Variants in PIK3R4 observed in about 807,000 individuals in gnomAD.
The protein encoded by PIK3R4 is phosphoinositide-3-kinase regulatory subunit 4.
A neutral mutation model predicts 136.5 loss-of-function variants in PIK3R4; 46 were observed. That is an observed-to-expected ratio of 0.34 (90% CI 0.27 to 0.43). The LOEUF is 0.43. Ranked by LOEUF, PIK3R4 falls within the 20% of genes least tolerant of loss-of-function variation. PIK3R4 has a pLI of 1.00. For missense variants in PIK3R4, 1,331 were observed against 1,649.5 expected (o/e 0.81, Z 3.35); for synonymous variants, 557 against 566.7 (o/e 0.98, Z 0.24).
At chr3:130,694,423 T>C (rs910830072) in intron 13 of PIK3R4, among the ~76,000 whole-genome samples, 1 of 152,120 alleles carries the variant, frequency 6.6e-6, no homozygotes, top group African/African-American at 2.4e-5. Flanking sequence ...GGTTTCTTTC[T>C]ATTCATTTGA....
At chr3:130,713,046 T>C (rs1421651560) in intron 9 of PIK3R4, among the ~76,000 whole-genome samples, 2 of 152,238 alleles carry the variant, frequency 1.3e-5, no homozygotes, top group Non-Finnish European at 2.9e-5. Flanking sequence ...TCCATTCCCT[T>C]ATCTATAAAA....
intron 6 of PIK3R4, chr3:130,723,817 G>GA: frequency 2.7e-6 from 1 of 373,992 alleles, no homozygotes; most frequent in Middle Eastern, 7.2e-4. Flanking sequence ...TTACAGAAAT[G>GA]AAAATATAGG....
intron 2 of PIK3R4, among the ~76,000 whole-genome samples, chr3:130,737,489 A>C (rs1339400994): frequency 1.3e-5 from 2 of 152,102 alleles, no homozygotes; most frequent in African/African-American, 2.4e-5. Flanking sequence ...GTGAAACCCT[A>C]TCTCTACTGA....
Position 130,716,546 on chromosome 3 carries a change from A to G in PIK3R4, c.2181T>C (p.Ser727=). The change falls in exon 9 of 20, where the codon TCT becomes TCC. Residue 727 remains serine (S), a synonymous_variant. Transcript: ENST00000356763. ...TAGACCTCAAAGCATAATCAAATATAGAACGACTTACTGGTTCCTTTAAAA... is the reference window on the plus strand; with the variant it reads ...TAGACCTCAAAGCATAATCAAATATGGAACGACTTACTGGTTCCTTTAAAA... ...LSVLKEPVSR[S]IFDYALRSKD... 6.2e-7 allele frequency: 1 copy of G among 1,614,034 alleles called. No individual in the cohort carries two copies. Among genetic ancestry groups the G allele is most frequent in the Non-Finnish European group, 8.5e-7 (1 of 1,179,874 alleles).
In PIK3R4 at chr3:130,708,392, T is replaced by G; in HGVS notation, c.2432A>C (p.His811Pro). Residue 811 changes from histidine (H) to proline (P), a missense_variant, in exon 10 of 20, where the codon CAT (histidine) becomes CCT (proline). Physicochemically the swap from His to Pro is moderately conservative, Grantham distance 77. Around this residue, in one of 2 missense-constraint regions of PIK3R4, gnomAD observed 1,180 missense variants for 1,407.0 expected, o/e 0.84. Transcript: ENST00000356763. ...AATTACACCTTTCTGACTACTATCA[T>G]GAAGATGGCTCTGGTCCACTATATT... is the stretch of plus-strand genomic sequence containing the variant. ...KANIVDQSHL[H>P]DSSQKGVIDL... The G allele has an allele frequency of 2.5e-6, 4 of 1,613,828 alleles. No homozygotes were observed. The highest frequency in any genetic ancestry group is 2.5e-6 in the Non-Finnish European group (3 of 1,179,730).
chr3:130,723,104 A>AT (rs1412144368), intron 7 of PIK3R4, among the ~76,000 whole-genome samples: 1 of 146,926 alleles, frequency 6.8e-6, no homozygotes. Flanking sequence ...AAAATTAAAA[A>AT]TAAAAAAAAG....
At chr3:130,695,768 A>T (rs909263208) in intron 13 of PIK3R4, among the ~76,000 whole-genome samples, 1 of 152,190 alleles carries the variant, frequency 6.6e-6, no homozygotes, top group Non-Finnish European at 1.5e-5. Context: ...ATATGTACAC[A>T]TAACAAAAAC....
intron 5 of PIK3R4, 61 bp downstream of exon 5, chr3:130,730,247 C>A: frequency 7.5e-7 from 1 of 1,339,762 alleles, no homozygotes; most frequent in African/African-American, 1.5e-5. Context: ...GATAGTTTTA[C>A]AAGTTAGCAT....
chr3:130,714,720 G>A (rs1338997691), intron 9 of PIK3R4, among the ~76,000 whole-genome samples: 1 of 151,422 alleles, frequency 6.6e-6, no homozygotes, highest in African/African-American at 2.4e-5. Context: ...TTCTGTTCCT[G>A]TGTTTGCTGA....
At chr3:130,696,908 TTAGTGTGTTTTTGGG>T (rs1243781297) in intron 13 of PIK3R4, among the ~76,000 whole-genome samples, 1 of 152,128 alleles carries the variant, frequency 6.6e-6, no homozygotes. Context: ...CGGTTTTTGC[TTAGTGTGTTTTTGGG>T]GCTCTGCTGT....
At chr3:130,705,167 A>G (rs925947286) in intron 12 of PIK3R4, among the ~76,000 whole-genome samples, 13 of 152,106 alleles carry the variant, frequency 8.5e-5, no homozygotes, top group Non-Finnish European at 1.5e-4. Flanking sequence ...TCATTTTCTA[A>G]ATTTTCTAAC....
rs774080288 is a variant in PIK3R4 at position 130,716,472 on chromosome 3, C to A, written c.2255G>T (p.Arg752Leu). 48 of 1,614,006 alleles carry A rather than the reference C, an allele frequency of 3.0e-5. No homozygotes were observed. The highest frequency in any genetic ancestry group is 1.7e-4 in the Admixed American group (10 of 60,006). Residue 752 changes from arginine to leucine, a missense_variant, in exon 9 of 20, where the codon CGA (arginine) becomes CTA (leucine). Arg to Leu is a moderately radical substitution (Grantham distance 102). This residue lies in a region of PIK3R4 where 1,180 missense variants were observed against 1,407.0 expected (regional missense o/e 0.84). Coordinates refer to ENST00000356763, the MANE Select transcript of PIK3R4 (RefSeq NM_014602.3). ...FRHLHMRQKK[R>L]NGSLPDCPPP... ...AGGGCAGTCGGGAAGAGAACCATTT[C>A]GTTTCTTCTGACGCATGTGAAGATG...
intron 7 of PIK3R4, among the ~76,000 whole-genome samples, chr3:130,722,870 C>T (rs1267027045): frequency 6.9e-6 from 1 of 145,718 alleles, no homozygotes; most frequent in Admixed American, 6.9e-5. Flanking sequence ...GCCTGGCCAA[C>T]ATGGTAAAAC....
chr3:130,679,587 A>C, intron 19 of PIK3R4, 102 bp from the exon 20 acceptor site: 1 of 756,506 alleles, frequency 1.3e-6, no homozygotes, highest in Non-Finnish European at 2.2e-6. Context: ...GTTGTATTTA[A>C]GTTAACACCT....
At chr3:130,745,473 G>C (rs974444140) in intron 1 of PIK3R4, among the ~76,000 whole-genome samples, 2 of 152,082 alleles carry the variant, frequency 1.3e-5, no homozygotes, top group Non-Finnish European at 2.9e-5. Flanking sequence ...AGAAGACCTT[G>C]TTATTTTACC....
At chr3:130,722,126 A>C (rs2066704438) in intron 7 of PIK3R4, among the ~76,000 whole-genome samples, 1 of 152,092 alleles carries the variant, frequency 6.6e-6, no homozygotes, top group Non-Finnish European at 1.5e-5. Context: ...TGTTTTAAAT[A>C]AGTAGGTGTT....
chr3:130,702,899 ATTTT>A (rs1057426584), intron 13 of PIK3R4, among the ~76,000 whole-genome samples: 1 of 152,120 alleles, frequency 6.6e-6, no homozygotes, highest in African/African-American at 2.4e-5. Context: ...CCATTCTATA[ATTTT>A]TTTACTTTTT....
At chr3:130,700,075 T>C (rs1473917902) in intron 13 of PIK3R4, among the ~76,000 whole-genome samples, 1 of 152,238 alleles carries the variant, frequency 6.6e-6, no homozygotes, top group Non-Finnish European at 1.5e-5. Flanking sequence ...GTTTTCTCTT[T>C]CATTGTAGTT....
rs2293179 is a variant in PIK3R4 at position 130,746,630 on chromosome 3, A to C, written c.-359T>G. ...CCAGCCCCCTAACCTGCCCTGGGGG[A>C]CATGCGTTCCCGGGCCTCGTCTTCC... On this transcript the variant is annotated 5_prime_UTR_variant, in exon 1 of 20. Transcript: ENST00000356763. 53,814 of 152,058 alleles carry C rather than the reference A, an allele frequency of 0.35. 12,401 individuals carry two copies. Among genetic ancestry groups the C allele is most frequent in the African/African-American group, 0.65 (26,923 of 41,424 alleles). The allele number at this position is 152,058 out of a possible 1,614,324, so 9.4% of individuals were successfully genotyped here.
Sources: gnomAD v4.1 joint callset for allele counts (sites outside exome capture counted in the v4.1 genomes callset) on GRCh38, gnomAD v4.1.1 for gene constraint, gnomAD v4.1.1 regional missense constraint, MANE v1.5 for transcripts, NCBI Gene and HGNC (gene_info 2026-07-23, HGNC 2026-07-21) for gene names.